Variants in CIAO3 observed in about 807,000 individuals in gnomAD.
The protein encoded by CIAO3 is LET1 like/JFP15.
CIAO3 carries 45 observed loss-of-function variants against 51.5 expected under a neutral mutation model. The ratio of observed to expected loss-of-function variants is 0.87; its 90% CI spans 0.69 to 1.12. CIAO3 has a LOEUF of 1.12. CIAO3 is among the 50% of genes most tolerant of loss of function. The pLI is 0.00. For missense variants in CIAO3, 668 were observed against 632.5 expected (o/e 1.06, Z -0.60); for synonymous variants, 314 against 269.3 (o/e 1.17, Z -1.63).
rs146520090 is a variant in CIAO3 at position 733,410 on chromosome 16, C to G, written c.711G>C (p.Lys237Asn). ...FAQQQHLTPD[K>N]IYHVTVMPCY... ...AGGGCATCACTGTGACGTGGTAGAT[C>G]TTGTCAGGGGTCAAGTGCTACAAGG... The change falls in exon 7 of 11, where the codon AAG becomes AAC. Residue 237 changes from lysine (K) to asparagine (N), a missense_variant. By Grantham distance (94) the Lys-to-Asn change is moderately conservative. Coordinates refer to ENST00000251588, the MANE Select transcript of CIAO3 (RefSeq NM_022493.3). The G allele has an allele frequency of 6.2e-7, 1 of 1,613,832 alleles. No homozygotes were observed. Among genetic ancestry groups the G allele is most frequent in the East Asian group, 2.2e-5 (1 of 44,884 alleles).
intron 4 of CIAO3, chr16:735,359 A>C (rs1357755160): frequency 6.4e-6 from 1 of 156,340 alleles, no homozygotes; most frequent in Non-Finnish European, 1.4e-5. Flanking sequence ...AGAACTGCTC[A>C]GTAAACCTGC....
rs2041337084 is a variant in CIAO3 at position 736,319 on chromosome 16, T to C, written c.386A>G (p.Gln129Arg). 1.2e-6 allele frequency: 2 copies of C among 1,612,968 alleles called. No homozygotes were observed. The highest frequency in any genetic ancestry group is 1.7e-6 in the Non-Finnish European group (2 of 1,179,830). The change falls in exon 4 of 11, where the codon CAG (glutamine) becomes CGG (arginine). Residue 129 changes from glutamine (Q) to arginine (R), a missense_variant. By Grantham distance (43) the Gln-to-Arg change is conservative. Coordinates refer to ENST00000251588, the MANE Select transcript of CIAO3 (RefSeq NM_022493.3). Reference sequence around the variant, plus strand: ...CCTGGCAGTATCTGTAGGATTCAGCTGAAACCGTGCAGCCAGCGATGCTCT... The same window carrying C: ...CCTGGCAGTATCTGTAGGATTCAGCCGAAACCGTGCAGCCAGCGATGCTCT... ...QSRASLAARF[Q>R]LNPTDTARKL...
At chr16:734,705 T>C (rs763023388) in intron 5 of CIAO3, 32 bp downstream of exon 5, 11 of 1,612,550 alleles carry the variant, frequency 6.8e-6, no homozygotes, top group Non-Finnish European at 7.6e-6. Context: ...CACTTGAACT[T>C]GACTCTCCCA....
Position 732,375 on chromosome 16 carries a change from T to G in CIAO3, c.824-2A>C, listed in dbSNP as rs2041292754. 6.2e-7 allele frequency: 1 copy of G among 1,612,610 alleles called. No individual in the cohort carries two copies. The highest frequency in any genetic ancestry group is 1.3e-5 in the African/African-American group (1 of 74,914). On this transcript the variant is annotated splice_acceptor_variant, in intron 7 of 10. Coordinates refer to ENST00000251588, the MANE Select transcript of CIAO3 (RefSeq NM_022493.3). LOFTEE classifies it high-confidence loss of function. ...CCTCCAGCAACCTGAAAACTTCTCC[T>G]GCAAAGAAGCCACAGCGCAGACACT... is the stretch of plus-strand genomic sequence containing the variant.
intron 9 of CIAO3, 139 bp downstream of exon 9, chr16:731,426 C>T (rs915326555): frequency 2.4e-6 from 3 of 1,258,658 alleles, no homozygotes; most frequent in African/African-American, 3.0e-5. Flanking sequence ...CCTGCCTGGC[C>T]CCAGGGTCCC....
intron 3 of CIAO3, among the ~76,000 whole-genome samples, chr16:736,653 A>G (rs1228091340): frequency 6.6e-6 from 1 of 151,614 alleles, no homozygotes; most frequent in Non-Finnish European, 1.5e-5. Flanking sequence ...GGCGTGAACC[A>G]CCGTGCCTGG....
Position 730,336 on chromosome 16 carries a change from G to A in CIAO3, c.*81C>T. The A allele has an allele frequency of 5.7e-6, 8 of 1,396,832 alleles. No individual in the cohort carries two copies. Among genetic ancestry groups the A allele is most frequent in the Non-Finnish European group, 7.9e-6 (8 of 1,011,242 alleles). The allele number at this position is 1,396,832 out of a possible 1,614,324, so 86.5% of individuals were successfully genotyped here. On this transcript the variant is annotated 3_prime_UTR_variant, in exon 11 of 11. Coordinates refer to ENST00000251588, the MANE Select transcript of CIAO3 (RefSeq NM_022493.3). The stretch of plus-strand genomic sequence containing the variant: ...CCCTGCAGCTCACTCAGAATTTTGG[G>A]GGAAGCCCTGGGGTCTTGGGGCATG...
rs142623781 is a variant in CIAO3 at position 730,495 on chromosome 16, C to T, written c.1353G>A (p.Ser451=). ...TATGCAGCAAGCGACCTGCACACTC[C>T]GAGTCCGTGCCCTGCAGCCAGTGTG... The part of the protein sequence containing the change: ...LYTHWLQGTD[S]ECAGRLLHTQ... The change falls in exon 11 of 11, where the codon TCG becomes TCA. Residue 451 remains serine (S), a synonymous_variant. Coordinates refer to ENST00000251588, the MANE Select transcript of CIAO3 (RefSeq NM_022493.3). 2.5e-4 allele frequency: 401 copies of T among 1,609,800 alleles called. No homozygotes were observed. The South Asian group carries it at 3.6e-3, about 14-fold the overall frequency.
chr16:731,213 T>C (rs2041277729), intron 9 of CIAO3: 2 of 674,712 alleles, frequency 3.0e-6, no homozygotes, highest in South Asian at 3.9e-5. Flanking sequence ...AGCCTCGGGC[T>C]GTCTGTGAAA....
In CIAO3 at chr16:730,110, C is replaced by T; in HGVS notation, c.*307G>A. On this transcript the variant is annotated 3_prime_UTR_variant, in exon 11 of 11. Coordinates refer to ENST00000251588, the MANE Select transcript of CIAO3 (RefSeq NM_022493.3). ...GCCCCTCACGCACTTGGGTGCCCGA[C>T]CAGCAGCAGCAAGGGCAGCACCTGT... 2.0e-6 allele frequency: 1 copy of T among 498,402 alleles called. No homozygotes were observed. 30.9% of individuals were successfully genotyped at this position (498,402 alleles called of 1,614,324 possible).
intron 4 of CIAO3, 48 bp downstream of exon 4, chr16:736,218 C>T (rs754101206): frequency 3.0e-5 from 49 of 1,608,950 alleles, no homozygotes; most frequent in East Asian, 4.5e-5. Context: ...CTTACTCAGA[C>T]GCCCCCTTGA....
rs377046104 is a variant in CIAO3 at position 732,237 on chromosome 16, G to C, written c.896+64C>G. 1.1e-4 allele frequency: 159 copies of C among 1,505,240 alleles called. 2 individuals carry two copies. The African/African-American group carries it at 2.0e-3, about 19-fold the overall frequency. The allele number at this position is 1,505,240 out of a possible 1,614,324, so 93.2% of individuals were successfully genotyped here. ...CGGGGAGGCAAGCCCAGAGCAGGGG[G>C]ATGCTATCCTCAGAGGCAGCGTTAG... On this transcript the variant is annotated intron_variant, in intron 8 of 10. Transcript: ENST00000251588.
chr16:732,599 C>T (rs1335421699), intron 7 of CIAO3: 5 of 653,460 alleles, frequency 7.7e-6, no homozygotes, highest in Non-Finnish European at 1.4e-5. Context: ...GGCCACTCTG[C>T]TCACCCAGTG....
intron 6 of CIAO3, chr16:733,932 G>C: frequency 2.3e-6 from 1 of 431,094 alleles, no homozygotes; most frequent in Non-Finnish European, 4.3e-6. Context: ...GGGCATCCTC[G>C]TGGACCTGGT....
rs1490603994 is a variant in CIAO3 at position 734,813 on chromosome 16, C to T, written c.498G>A (p.Gln166=). The T allele has an allele frequency of 1.2e-6, 2 of 1,603,394 alleles. No individual in the cohort carries two copies. Among genetic ancestry groups the T allele is most frequent in the Non-Finnish European group, 8.5e-7 (1 of 1,173,192 alleles). ...FSRHFSLLES[Q]REFVRRFRGQ... ...CTCGGAATCGCCGCACAAACTCTCG[C>T]TGGCTCTCCAGGAGGCTGAAGTGCC... Residue 166 remains glutamine, a synonymous_variant, in exon 5 of 11, where the codon CAG becomes CAA. Transcript: ENST00000251588.
At chr16:731,327 C>G (rs577504291) in intron 9 of CIAO3, 148 of 633,778 alleles carry the variant, frequency 2.3e-4, no homozygotes, top group Middle Eastern at 4.3e-4. Context: ...ATGCTGGCCT[C>G]TCGGGCTCAG....
At chr16:740,541 C>T (rs2041380279) in intron 1 of CIAO3, 9 of 328,930 alleles carry the variant, frequency 2.7e-5, no homozygotes, top group South Asian at 2.7e-4. Flanking sequence ...CCGGGCCCCG[C>T]CGCCCTCCAG....
rs1280411948 is a variant in CIAO3, at chr16:736,181, G to A, written c.439+85C>T. ...AAGTTCAGGGCTGGGTAGCGTGTCA[G>A]TGACTCAGAGGCGCGAGGGGCCTGG... On this transcript the variant is annotated intron_variant, in intron 4 of 10. Transcript: ENST00000251588. The A allele has an allele frequency of 2.6e-6, 4 of 1,547,630 alleles. No individual in the cohort carries two copies. The East Asian group carries it at 9.0e-5, about 35-fold the overall frequency.
intron 6 of CIAO3, chr16:733,760 G>A (rs1441541167): frequency 5.0e-6 from 2 of 396,436 alleles, no homozygotes; most frequent in Non-Finnish European, 9.5e-6. Context: ...ACCAGCTCCA[G>A]CCCCGGGTGA....
Sources: allele counts gnomAD v4.1 joint callset (sites outside exome capture counted in the v4.1 genomes callset), GRCh38; gene constraint gnomAD v4.1.1; transcripts MANE v1.5; gene names NCBI Gene and HGNC (gene_info 2026-07-23, HGNC 2026-07-21).